Variants in KIF21A observed in about 807,000 individuals in gnomAD.
KIF21A encodes the protein kinesin-like protein KIF21A.
KIF21A carries 114 observed loss-of-function variants against 202.9 expected under a neutral mutation model. The ratio of observed to expected loss-of-function variants is 0.56; its 90% confidence interval spans 0.48 to 0.66. KIF21A has a LOEUF of 0.66. Among genes scored for constraint, KIF21A ranks in the 30% least tolerant of loss-of-function variants. The pLI is 0.00. For synonymous variants in KIF21A, 667 were observed against 670.8 expected (o/e 0.99, Z 0.09); for missense variants, 1,677 against 1,994.9 (o/e 0.84, Z 3.04).
intron 15 of KIF21A, 67 bp downstream of exon 15, chr12:39,340,839 G>T: frequency 8.7e-7 from 1 of 1,148,716 alleles, no homozygotes; most frequent in Non-Finnish European, 1.3e-6. Flanking sequence ...TTCTTCTAAA[G>T]GAAAAGATAA....
In KIF21A at chr12:39,423,983, C is replaced by CAA. The variant is rs35526386; in HGVS notation, c.44+18942_44+18943dup. 6.1e-3 allele frequency among the ~76,000 whole-genome samples: 157 copies of CAA among 25,650 alleles called. 21 individuals carry two copies. The highest frequency in any genetic ancestry group is 7.1e-3 in the Non-Finnish European group (78 of 10,928). The allele number at this position is 25,650 out of a possible 152,430, so 16.8% of individuals were successfully genotyped here. ...TGGGGGACAGAGCAAGACTCTGTCT[C>CAA]AAAAAAAAAAAAAAAAAAAAAAAAA... On this transcript the variant is annotated intron_variant, in intron 1 of 37. Transcript: ENST00000361418.
chr12:39,429,083 A>G (rs1954986577), intron 1 of KIF21A, among the ~76,000 whole-genome samples: 1 of 152,174 alleles, frequency 6.6e-6, no homozygotes, highest in Non-Finnish European at 1.5e-5. Flanking sequence ...CCTTGTTGGT[A>G]TAAGTAGAGG....
In KIF21A at chr12:39,318,107, C is replaced by A. The variant is rs766790592; in HGVS notation, c.3874G>T (p.Val1292Phe). 2 of 1,613,160 alleles carry A rather than the reference C, an allele frequency of 1.2e-6. No homozygotes were observed. Among genetic ancestry groups the A allele is most frequent in the African/African-American group, 1.3e-5 (1 of 74,838 alleles). The change falls in exon 29 of 38, where the codon GTT becomes TTT. Residue 1292 changes from valine (V) to phenylalanine (F), a missense_variant. This residue lies in a region of KIF21A where 705 missense variants were observed against 791.9 expected (regional missense o/e 0.89). Transcript: ENST00000361418. ...NELNVFNRLT[V>F]SQGNTSVQQD... ...TGAACTGATGTGTTTCCCTGAGAAA[C>A]AGTAAGACGATTAAAAACATTCAGT...
intron 7 of KIF21A, among the ~76,000 whole-genome samples, chr12:39,361,318 T>C (rs982706212): frequency 6.6e-6 from 1 of 152,186 alleles, no homozygotes; most frequent in Admixed American, 6.5e-5. Flanking sequence ...TGAAAATTTT[T>C]ATTCTGTTAT....
chr12:39,344,434 A>C (rs1310640753), intron 12 of KIF21A, among the ~76,000 whole-genome samples: 1 of 152,070 alleles, frequency 6.6e-6, no homozygotes, highest in Admixed American at 6.6e-5. Context: ...TCCCTTTCTC[A>C]CCTGTGACTG....
In KIF21A at chr12:39,303,055, T is replaced by C; in HGVS notation, c.4641A>G (p.Glu1547=). Residue 1547 remains glutamate, a synonymous_variant, in exon 36 of 38, where the codon GAA becomes GAG. Coordinates refer to ENST00000361418, the MANE Select transcript of KIF21A (RefSeq NM_001173464.2). The part of the protein sequence containing the change: ...NFEPPHYDGI[E]ALTIQGDNLF... ...GGTTATCCCCTTGAATGGTTAGTGC[T>C]TCTATGCCATCATAATGAGGGGGTT... 6.2e-7 allele frequency: 1 copy of C among 1,613,888 alleles called. No homozygotes were observed. The highest frequency in any genetic ancestry group is 8.5e-7 in the Non-Finnish European group (1 of 1,179,798).
rs1947432846 is a variant in KIF21A, at chr12:39,341,427, A to T, written c.1921+78T>A. 1.0e-5 allele frequency: 14 copies of T among 1,371,886 alleles called. No individual in the cohort carries two copies. The South Asian group carries it at 1.7e-4, about 16-fold the overall frequency. 85.0% of individuals were successfully genotyped at this position (1,371,886 alleles called of 1,614,324 possible). A position where few individuals can be genotyped will look rare whatever the true frequency, so the allele number is the denominator to read the frequency against. ...GTTTCTTTCATCAAGTATGAAATAG[A>T]GAATGTTAAGAGTTTTCTGTCATGG... On this transcript the variant is annotated intron_variant, in intron 14 of 37. Transcript: ENST00000361418.
At chr12:39,383,870 C>T (rs1950775833) in intron 1 of KIF21A, among the ~76,000 whole-genome samples, 1 of 152,068 alleles carries the variant, frequency 6.6e-6, no homozygotes, top group South Asian at 2.1e-4. Context: ...TAGAGCAGTA[C>T]TTTTTAAACT....
intron 1 of KIF21A, among the ~76,000 whole-genome samples, chr12:39,405,548 G>T (rs1198268971): frequency 6.6e-6 from 1 of 152,012 alleles, no homozygotes; most frequent in African/African-American, 2.4e-5. Flanking sequence ...TAAAACTACA[G>T]TGCAGGAAAT....
intron 1 of KIF21A, among the ~76,000 whole-genome samples, chr12:39,419,220 A>G (rs1388999547): frequency 9.9e-5 from 15 of 152,216 alleles, no homozygotes; most frequent in African/African-American, 3.6e-4. Context: ...CTAACAGTAG[A>G]AATGCCTTGG....
At chr12:39,387,834 T>G (rs1053734551) in intron 1 of KIF21A, among the ~76,000 whole-genome samples, 3 of 152,294 alleles carry the variant, frequency 2.0e-5, no homozygotes, top group African/African-American at 7.2e-5. Context: ...AGATGCTCCA[T>G]GGATGAAAAA....
chr12:39,441,676 A>AC (rs1555208055), intron 1 of KIF21A, among the ~76,000 whole-genome samples: 1 of 137,314 alleles, frequency 7.3e-6, no homozygotes, highest in Non-Finnish European at 1.6e-5. Context: ...AAAAAAAAAA[A>AC]AAAACACTTA....
At chr12:39,359,482 T>A (rs1949036721) in intron 7 of KIF21A, among the ~76,000 whole-genome samples, 1 of 152,222 alleles carries the variant, frequency 6.6e-6, no homozygotes, top group South Asian at 2.1e-4. Context: ...TCTAAACATA[T>A]AACACAACAT....
intron 1 of KIF21A, among the ~76,000 whole-genome samples, chr12:39,399,663 C>A (rs1566164042): frequency 6.6e-6 from 1 of 152,136 alleles, no homozygotes. Context: ...AAATAAAACC[C>A]AAAGCTGCTC....
At chr12:39,359,657 A>AG (rs1337065872) in intron 7 of KIF21A, among the ~76,000 whole-genome samples, 1 of 152,190 alleles carries the variant, frequency 6.6e-6, no homozygotes. Context: ...TGATTAGAGA[A>AG]TAGAGCAACT....
intron 31 of KIF21A, among the ~76,000 whole-genome samples, chr12:39,314,393 T>C (rs997121292): frequency 1.3e-5 from 2 of 151,842 alleles, no homozygotes; most frequent in Non-Finnish European, 3.0e-5. Flanking sequence ...GAAATTTTGA[T>C]GTCTTAAGGT....
chr12:39,388,916 AT>A (rs1482173329), intron 1 of KIF21A, among the ~76,000 whole-genome samples: 1 of 152,182 alleles, frequency 6.6e-6, no homozygotes. Flanking sequence ...AAAGAAATGC[AT>A]TCTCTAATAG....
chr12:39,315,046 C>G (rs1489466972), intron 31 of KIF21A, among the ~76,000 whole-genome samples, 183 bp downstream of exon 31: 1 of 151,840 alleles, frequency 6.6e-6, no homozygotes, highest in Non-Finnish European at 1.5e-5. Flanking sequence ...TTGAATTAAT[C>G]TATTCACATT....
intron 28 of KIF21A, 76 bp downstream of exon 28, chr12:39,319,830 T>G (rs1382666372): frequency 7.7e-6 from 7 of 912,136 alleles, no homozygotes; most frequent in Non-Finnish European, 1.1e-5. Context: ...GGAAAATAAT[T>G]TCATGATTAT....
Sources: gnomAD v4.1 joint callset for allele counts (sites outside exome capture counted in the v4.1 genomes callset) on GRCh38, gnomAD v4.1.1 for gene constraint, gnomAD v4.1.1 regional missense constraint, MANE v1.5 for transcripts, NCBI Gene and HGNC (gene_info 2026-07-23, HGNC 2026-07-21) for gene names.